NDUFA10: variants seen among roughly 807,000 people sequenced by gnomAD.
The protein encoded by NDUFA10 is NADH dehydrogenase [ubiquinone] 1 alpha subcomplex subunit 10, mitochondrial.
NDUFA10 carries 40 observed loss-of-function variants against 47.8 expected under a neutral mutation model. That is an observed-to-expected ratio of 0.84 (90% CI 0.65 to 1.09). NDUFA10 has a LOEUF of 1.09. NDUFA10 is among the 50% of genes least tolerant of loss of function. The pLI is 0.00. For missense variants in NDUFA10, 413 were observed against 451.1 expected, an observed-to-expected ratio of 0.92 and a Z score of 0.76; for synonymous variants, 183 against 172.2, an observed-to-expected ratio of 1.06 and a Z score of -0.49.
At chr2:239,929,983 CAG>C (rs1694136074) in intron 4 of NDUFA10, among the ~76,000 whole-genome samples, 1 of 138,868 alleles carries the variant, frequency 7.2e-6, no homozygotes, top group African/African-American at 2.8e-5. Context: ...CCCTGCTCCT[CAG>C]CCAGTCCTGC....
intron 5 of NDUFA10, chr2:239,895,152 T>A: frequency 2.6e-6 from 1 of 389,928 alleles, no homozygotes; most frequent in Non-Finnish European, 5.4e-6. Flanking sequence ...CCAGTCCACG[T>A]CACATCCTCC....
chr2:240,022,870 A>C (rs951867891), intron 1 of NDUFA10, among the ~76,000 whole-genome samples: 1 of 152,192 alleles, frequency 6.6e-6, no homozygotes, highest in African/African-American at 2.4e-5. Context: ...TCCATATCCT[A>C]GCCCCCAAGT....
chr2:240,004,263 G>A (rs1004692220), intron 8 of NDUFA10, among the ~76,000 whole-genome samples: 1 of 152,168 alleles, frequency 6.6e-6, no homozygotes, highest in Non-Finnish European at 1.5e-5. Context: ...GAATGGCGAG[G>A]CCGTCTCCTT....
At chr2:240,014,323 G>C (rs920700817) in intron 5 of NDUFA10, 5 of 304,672 alleles carry the variant, frequency 1.6e-5, no homozygotes, top group Non-Finnish European at 3.2e-5. Flanking sequence ...GGCACGATTT[G>C]CGTTAAATAG....
rs114901120 is a variant in NDUFA10 at position 239,969,076 on chromosome 2, G to A, written c.1000-7890C>T. ...AGAACAAGATCTAGCACTCAAAAAC[G>A]TAAAATTTGCAACGTATGGCAAAGC... On this transcript the variant is annotated intron_variant, in intron 9 of 9. Coordinates refer to ENST00000252711, the MANE Select transcript of NDUFA10 (RefSeq NM_004544.4). 4.8e-3 allele frequency among the ~76,000 whole-genome samples: 730 copies of A among 152,284 alleles called. 8 individuals are homozygous for A. The highest frequency in any genetic ancestry group is 5.6e-3 in the Non-Finnish European group (383 of 68,016).
Position 240,014,954 on chromosome 2 carries a change from G to A in NDUFA10, c.548-94C>T, listed in dbSNP as rs577902260. 56 of 1,553,988 alleles carry A rather than the reference G, an allele frequency of 3.6e-5. 1 individual carries two copies. In the South Asian group the frequency reaches 4.6e-4, roughly 13 times the overall value. On this transcript the variant is annotated intron_variant, in intron 4 of 9. Transcript: ENST00000252711. ...CTTGAATAAAAGGGCAAACATACACGCAATTCTCAAAGCCACGTACCAATC... is the reference window on the plus strand; with the variant it reads ...CTTGAATAAAAGGGCAAACATACACACAATTCTCAAAGCCACGTACCAATC...
chr2:240,013,627 T>C (rs1239444828), intron 5 of NDUFA10: 1 of 152,236 alleles, frequency 6.6e-6, no homozygotes, highest in African/African-American at 2.4e-5. Context: ...TAGAAAGGCA[T>C]ACATAGACAT....
At position 240,016,395 on chromosome 2, in the gene NDUFA10, C is replaced by T. The variant is rs1318327005; in HGVS notation, c.548-1535G>A. Among the ~76,000 whole-genome samples the T allele has an allele frequency of 1.3e-5, 2 of 152,196 alleles. No homozygotes were observed. The highest frequency in any genetic ancestry group is 4.8e-5 in the African/African-American group (2 of 41,440). On this transcript the variant is annotated intron_variant, in intron 4 of 9. Coordinates refer to ENST00000252711, the MANE Select transcript of NDUFA10 (RefSeq NM_004544.4). This position sits in a 1 kb window ranked among gnomAD's most constrained non-coding sequence, Gnocchi z 4.4. ...ACCCTGCTTCCCACCCTCACCCTTA[C>T]TCCTGTCAGTACACCCACTTCTCAG...
chr2:239,978,230 C>T (rs1348059548), intron 9 of NDUFA10, among the ~76,000 whole-genome samples: 4 of 152,304 alleles, frequency 2.6e-5, no homozygotes, highest in African/African-American at 4.8e-5. Flanking sequence ...CTGAGAATGC[C>T]TTAGCCCTTA....
At chr2:239,971,331 C>G (rs941379380) in intron 9 of NDUFA10, among the ~76,000 whole-genome samples, 2 of 152,230 alleles carry the variant, frequency 1.3e-5, no homozygotes, top group Admixed American at 6.5e-5. Flanking sequence ...AGCTGACTTG[C>G]TATTCCTGGC....
chr2:239,945,808 C>A lies in NDUFA10; in HGVS notation c.294+44266G>T, dbSNP rs965871737. Among the ~76,000 whole-genome samples the A allele has an allele frequency of 6.7e-6, 1 of 150,100 alleles. No homozygotes were observed. The highest frequency in any genetic ancestry group is 2.1e-4 in the South Asian group (1 of 4,738). On this transcript the variant is annotated intron_variant, in intron 4 of 5. Transcript: ENST00000419408. The surrounding 1 kb of genome is among the most constrained non-coding windows in gnomAD (Gnocchi z 4.6). ...AACGTGCAGAGTGGACCACTCCAGA[C>A]CCCCCTGAAGGCCGTCCCCAGGCTT...
In NDUFA10 at chr2:240,003,655, C is replaced by G. The variant is rs140471200; in HGVS notation, c.890+1555G>C. ...ACAGCACTTCTCATTACAAAATCATCTCTGAATTTTGTAGAATTTATAGCC... is the reference window on the plus strand; with the variant it reads ...ACAGCACTTCTCATTACAAAATCATGTCTGAATTTTGTAGAATTTATAGCC... On this transcript the variant is annotated intron_variant, in intron 8 of 9. Coordinates refer to ENST00000252711, the MANE Select transcript of NDUFA10 (RefSeq NM_004544.4). Among the ~76,000 whole-genome samples, 798 of 152,330 alleles carry G rather than the reference C, an allele frequency of 5.2e-3. 4 individuals are homozygous for G. Among genetic ancestry groups the G allele is most frequent in the Non-Finnish European group, 8.8e-3 (599 of 68,036 alleles).
chr2:239,927,847 G>A (rs1694090655), intron 4 of NDUFA10, among the ~76,000 whole-genome samples: 1 of 152,192 alleles, frequency 6.6e-6, no homozygotes, highest in Non-Finnish European at 1.5e-5. Context: ...AACAACAAAT[G>A]AGTGTGAGGA....
intron 9 of NDUFA10, among the ~76,000 whole-genome samples, chr2:239,963,048 G>C (rs1268248888): frequency 6.6e-6 from 1 of 152,172 alleles, no homozygotes; most frequent in East Asian, 1.9e-4. Flanking sequence ...CCCATCTAAA[G>C]GCGGGGGGGA....
chr2:239,944,543 A>C (rs1409642708), intron 4 of NDUFA10, among the ~76,000 whole-genome samples: 4 of 152,290 alleles, frequency 2.6e-5, no homozygotes, highest in African/African-American at 4.8e-5. Context: ...ACAAGTGAGG[A>C]GGTGCACTTT....
intron 9 of NDUFA10, among the ~76,000 whole-genome samples, chr2:239,968,863 C>T (rs370027772): frequency 1.1e-4 from 16 of 152,182 alleles, no homozygotes; most frequent in Non-Finnish European, 2.1e-4. Flanking sequence ...AGGGGCCTCT[C>T]GCTGCACGCA....
At chr2:239,903,536 C>T (rs1693592321) in intron 4 of NDUFA10, among the ~76,000 whole-genome samples, 2 of 152,202 alleles carry the variant, frequency 1.3e-5, no homozygotes, top group African/African-American at 4.8e-5. Context: ...TAAGGCCAGA[C>T]ATAAGGCGTG....
Position 239,983,797 on chromosome 2 carries a change from C to A in NDUFA10, c.999+6277G>T, listed in dbSNP as rs532956062. 7.9e-5 allele frequency: 119 copies of A among 1,508,890 alleles called. No homozygotes were observed. The African/African-American group carries it at 1.5e-3, about 19-fold the overall frequency. 93.5% of individuals were successfully genotyped at this position (1,508,890 alleles called of 1,614,324 possible). A position where few individuals can be genotyped will look rare whatever the true frequency, so the allele number is the denominator to read the frequency against. ...CAGCACTCCTTATTAAAAACAAAGTCTGAGAAAATGTTACAACCAAGAGGT... is the reference window on the plus strand; with the variant it reads ...CAGCACTCCTTATTAAAAACAAAGTATGAGAAAATGTTACAACCAAGAGGT... On this transcript the variant is annotated intron_variant, in intron 9 of 9. Coordinates refer to ENST00000252711, the MANE Select transcript of NDUFA10 (RefSeq NM_004544.4).
At chr2:239,896,618 A>G (rs978974350) in intron 4 of NDUFA10, among the ~76,000 whole-genome samples, 1 of 152,210 alleles carries the variant, frequency 6.6e-6, no homozygotes, top group African/African-American at 2.4e-5. Context: ...AAACAAACCA[A>G]CTGTAAAAAC....
Sources: allele counts gnomAD v4.1 joint callset (sites outside exome capture counted in the v4.1 genomes callset), GRCh38; gene constraint gnomAD v4.1.1; non-coding constraint Gnocchi (gnomAD v3.1); transcripts MANE v1.5; gene names NCBI Gene and HGNC (gene_info 2026-07-23, HGNC 2026-07-21).